TOP3A: variants seen among roughly 807,000 people sequenced by gnomAD.
TOP3A encodes DNA topoisomerase III alpha.
Under a neutral mutation model 111.3 loss-of-function variants are expected in TOP3A, and 64 were observed. The observed-to-expected ratio is 0.57, with a 90% CI of 0.47 to 0.71. TOP3A has a LOEUF of 0.71. Ranked by LOEUF, TOP3A falls within the 30% of genes least tolerant of loss-of-function variation. The probability of loss-of-function intolerance (pLI) is 0.00; values close to 1 mark genes in which losing one functional copy is unlikely to be tolerated. For synonymous variants in TOP3A, 484 were observed against 485.1 expected, an observed-to-expected ratio of 1.00 and a Z score of 0.03; for missense variants, 1,104 against 1,285.0, an observed-to-expected ratio of 0.86 and a Z score of 2.15.
In TOP3A at chr17:18,295,355, CCTGG is replaced by C. The variant is rs1980729688; in HGVS notation, c.991-574_991-571del. Among the ~76,000 whole-genome samples, 14 of 152,196 alleles carry C rather than the reference CCTGG, an allele frequency of 9.2e-5. No homozygotes were observed. The South Asian group carries it at 2.9e-3, about 32-fold the overall frequency. ...TAGAGATGGGGTTTTGCCATGCTGGCCTGGCTGGTCTCGAACACCTGACCTCAGG... is the reference window on the plus strand; with the variant it reads ...TAGAGATGGGGTTTTGCCATGCTGGCCTGGTCTCGAACACCTGACCTCAGG... On this transcript the variant is annotated intron_variant, in intron 9 of 18. Coordinates refer to ENST00000321105, the MANE Select transcript of TOP3A (RefSeq NM_004618.5).
chr17:18,307,035 A>C (rs1981621543), intron 3 of TOP3A, 69 bp from the exon 4 acceptor site: 1 of 1,127,846 alleles, frequency 8.9e-7, no homozygotes, highest in African/African-American at 1.5e-5. Flanking sequence ...TAATGACAGC[A>C]AACTGTTCCA....
chr17:18,312,499 G>T, intron 1 of TOP3A: 1 of 158,832 alleles, frequency 6.3e-6, no homozygotes, highest in Non-Finnish European at 1.4e-5. Flanking sequence ...TTAACTTTCT[G>T]GTAGACAAAG....
chr17:18,296,996 G>A (rs1980848422), intron 9 of TOP3A, among the ~76,000 whole-genome samples: 1 of 152,148 alleles, frequency 6.6e-6, no homozygotes, highest in Non-Finnish European at 1.5e-5. Flanking sequence ...TAATTATAAT[G>A]CTGTAAAAAT....
chr17:18,285,253 T>A lies in TOP3A; in HGVS notation c.1766A>T (p.Glu589Val). 1.2e-6 allele frequency: 2 copies of A among 1,614,192 alleles called. No individual in the cohort carries two copies. The highest frequency in any genetic ancestry group is 1.7e-6 in the Non-Finnish European group (2 of 1,180,026). ...ATCACAGATCAGCTTCAGATCAGCT[T>A]CCAGTTCAGCCCGGAGGTCAGGCTT... ...MSKPDLRAEL[E>V]ADLKLICDGK... Residue 589 changes from glutamate (E) to valine (V), a missense_variant, in exon 15 of 19, where the codon GAA becomes GTA. By Grantham distance (121) the Glu-to-Val change is moderately radical. Transcript: ENST00000321105.
intron 18 of TOP3A, among the ~76,000 whole-genome samples, chr17:18,275,651 C>T (rs1213012475): frequency 4.7e-5 from 7 of 148,952 alleles, no homozygotes; most frequent in Admixed American, 6.7e-5. Flanking sequence ...CGTGAGCCAC[C>T]GTGCCCGGCC....
intron 15 of TOP3A, among the ~76,000 whole-genome samples, chr17:18,284,499 C>T (rs1453549237): frequency 1.3e-5 from 2 of 152,098 alleles, no homozygotes; most frequent in Non-Finnish European, 2.9e-5. Flanking sequence ...ACCCAGGAGC[C>T]CTTGGCCACT....
At position 18,286,078 on chromosome 17, in the gene TOP3A, T is replaced by C. The variant is rs371139854; in HGVS notation, c.1598-558A>G. On this transcript the variant is annotated intron_variant, in intron 13 of 18. Coordinates refer to ENST00000321105, the MANE Select transcript of TOP3A (RefSeq NM_004618.5). ...AGCAGGGTGTGGCGGCACGCACCTG[T>C]AGTCCCAGCTGCTCAGGAGGCTGAG... Among the ~76,000 whole-genome samples the C allele has an allele frequency of 3.3e-5, 5 of 151,810 alleles. No homozygotes were observed. In the East Asian group the frequency reaches 5.8e-4, roughly 18 times the overall value.
intron 13 of TOP3A, among the ~76,000 whole-genome samples, 199 bp from the exon 14 acceptor site, chr17:18,285,719 T>C (rs908064162): frequency 3.9e-5 from 6 of 152,182 alleles, no homozygotes; most frequent in Admixed American, 6.5e-5. Flanking sequence ...TCACATCCCA[T>C]TACTCAGGAA....
intron 18 of TOP3A, among the ~76,000 whole-genome samples, chr17:18,275,520 C>T (rs1280683866): frequency 1.8e-4 from 27 of 151,484 alleles, no homozygotes; most frequent in African/African-American, 2.4e-4. Flanking sequence ...CCACCACGCC[C>T]GGCTACTTTA....
At chr17:18,304,367 A>G (rs1362125596) in intron 5 of TOP3A, among the ~76,000 whole-genome samples, 1 of 152,228 alleles carries the variant, frequency 6.6e-6, no homozygotes, top group Non-Finnish European at 1.5e-5. Context: ...TCCCTTCAGC[A>G]AAGAATATAG....
intron 13 of TOP3A, among the ~76,000 whole-genome samples, chr17:18,286,973 A>T (rs1980143428): frequency 6.6e-6 from 1 of 152,130 alleles, no homozygotes; most frequent in African/African-American, 2.4e-5. Context: ...TAGTAGAGAA[A>T]GTGTTTCACC....
In TOP3A at chr17:18,290,962, A is replaced by G. The variant is rs1412577515; in HGVS notation, c.1347T>C (p.Ala449=). The G allele has an allele frequency of 6.2e-7, 1 of 1,614,220 alleles. No individual in the cohort carries two copies. Among genetic ancestry groups the G allele is most frequent in the African/African-American group, 1.3e-5 (1 of 75,044 alleles). Residue 449 remains alanine (A), a synonymous_variant, in exon 12 of 19, where the codon GCT becomes GCC. Coordinates refer to ENST00000321105, the MANE Select transcript of TOP3A (RefSeq NM_004618.5). ...TCTCCACTGTGGTCTCCTGCCCCTG[A>G]GCATCCTGGGAGCAGCAAGCCAGGA... ...RHFLACCSQD[A]QGQETTVEID...
chr17:18,304,587 T>C (rs749798154), intron 5 of TOP3A, among the ~76,000 whole-genome samples: 3 of 152,188 alleles, frequency 2.0e-5, no homozygotes, highest in South Asian at 2.1e-4. Flanking sequence ...TAGTCGAGCA[T>C]TGTATAATAT....
In TOP3A at chr17:18,290,591, G is replaced by A. The variant is rs779317321; in HGVS notation, c.1563C>T (p.Ala521=). The change falls in exon 13 of 19, where the codon GCC becomes GCT. Residue 521 remains alanine, a synonymous_variant. Coordinates refer to ENST00000321105, the MANE Select transcript of TOP3A (RefSeq NM_004618.5). The part of the protein sequence containing the change: ...ETSPPKLLTE[A]DLIALMEKHG... ...GCTTCTCCATGAGGGCAATGAGGTC[G>A]GCCTCGGTGAGCAGCTTGGGTGGGC... 1.6e-5 allele frequency: 26 copies of A among 1,607,776 alleles called. No homozygotes were observed. Among genetic ancestry groups the A allele is most frequent in the East Asian group, 4.5e-5 (2 of 44,804 alleles).
At position 18,271,854 on chromosome 17, in the gene TOP3A, C is replaced by T. The variant is rs9903235; in HGVS notation, c.*2948G>A. On this transcript the variant is annotated 3_prime_UTR_variant, in exon 19 of 19. Coordinates refer to ENST00000321105, the MANE Select transcript of TOP3A (RefSeq NM_004618.5). ...GAGGCTGGTAGATCACCTGAGGTCA[C>T]GAGTTTGAGACCAGCCTGGCCAACA... 0.027 allele frequency: 10,898 copies of T among 402,688 alleles called. 758 individuals carry two copies. Among genetic ancestry groups the T allele is most frequent in the African/African-American group, 0.17 (7,944 of 45,846 alleles). 24.9% of individuals were successfully genotyped at this position (402,688 alleles called of 1,614,324 possible). A position where few individuals can be genotyped will look rare whatever the true frequency, so the allele number is the denominator to read the frequency against.
At chr17:18,296,581 AAAACAAACAAAC>A (rs572844166) in intron 9 of TOP3A, among the ~76,000 whole-genome samples, 1 of 152,172 alleles carries the variant, frequency 6.6e-6, no homozygotes, top group Non-Finnish European at 1.5e-5. Flanking sequence ...TCTGTCTCAA[AAAACAAACAAAC>A]AAACAAACAA....
At chr17:18,281,455 C>T (rs1022649659) in intron 16 of TOP3A, among the ~76,000 whole-genome samples, 1 of 152,104 alleles carries the variant, frequency 6.6e-6, no homozygotes, top group Non-Finnish European at 1.5e-5. Flanking sequence ...TAATAATTCT[C>T]CAATTCAGAG....
At chr17:18,279,137 G>A (rs966987333) in intron 17 of TOP3A, among the ~76,000 whole-genome samples, 3 of 152,130 alleles carry the variant, frequency 2.0e-5, no homozygotes, top group Admixed American at 2.0e-4. Flanking sequence ...CATACAAATT[G>A]CAAAATGTAA....
chr17:18,275,621 C>T (rs1243394009), intron 18 of TOP3A, among the ~76,000 whole-genome samples: 12 of 151,342 alleles, frequency 7.9e-5, no homozygotes, highest in African/African-American at 2.9e-4. Flanking sequence ...CTTGGCCTCC[C>T]GAAGTGCTGG....
Sources: allele counts gnomAD v4.1 joint callset (sites outside exome capture counted in the v4.1 genomes callset), GRCh38; gene constraint gnomAD v4.1.1; transcripts MANE v1.5; gene names NCBI Gene and HGNC (gene_info 2026-07-23, HGNC 2026-07-21).